AGPAT3: variants seen among roughly 807,000 people sequenced by gnomAD.
AGPAT3 encodes the protein 1-acylglycerol-3-phosphate O-acyltransferase 3, also known as 1-acyl-sn-glycerol-3-phosphate acyltransferase gamma.
AGPAT3 carries 5 observed loss-of-function variants against 47.3 expected under a neutral mutation model. The ratio of observed to expected loss-of-function variants is 0.11; its 90% CI spans 0.06 to 0.22. AGPAT3 has a LOEUF of 0.22. Ranked by LOEUF, AGPAT3 falls within the 10% of genes least tolerant of loss-of-function variation. The pLI is 1.00. For synonymous variants in AGPAT3, 212 were observed against 208.3 expected, an observed-to-expected ratio of 1.02 and a Z score of -0.15; for missense variants, 315 against 493.0, an observed-to-expected ratio of 0.64 and a Z score of 3.42.
intron 1 of AGPAT3, among the ~76,000 whole-genome samples, chr21:43,897,069 G>A (rs1279314112): frequency 1.3e-5 from 2 of 149,974 alleles, no homozygotes; most frequent in African/African-American, 2.5e-5. Context: ...CATGTGAACA[G>A]AGGTCTCTGG....
chr21:43,958,341 G>GGTGTGTGGTACAATTGTGT (rs1417060853), intron 2 of AGPAT3, among the ~76,000 whole-genome samples: 1 of 152,070 alleles, frequency 6.6e-6, no homozygotes, highest in Non-Finnish European at 1.5e-5. Context: ...TGCAGTGTGT[G>GGTGTGTGGTACAATTGTGT]GTGTGTGGTA....
At position 43,982,943 on chromosome 21, in the gene AGPAT3, G is replaced by C. The variant is rs1360051842; in HGVS notation, c.*551G>C. 6.5e-6 allele frequency: 1 copy of C among 153,076 alleles called. No individual in the cohort carries two copies. Among genetic ancestry groups the C allele is most frequent in the African/African-American group, 2.4e-5 (1 of 41,458 alleles). The allele number at this position is 153,076 out of a possible 1,614,324, so 9.5% of individuals were successfully genotyped here. The stretch of plus-strand genomic sequence containing the variant: ...GATAAGCACACCGGCACGAACGTCA[G>C]GTCCATTCCTCGAAGTCGGAGCCCT... On this transcript the variant is annotated 3_prime_UTR_variant, in exon 10 of 10. Transcript: ENST00000291572. The surrounding 1 kb of genome is among the most constrained non-coding windows in gnomAD (Gnocchi z 6.2).
At position 43,955,168 on chromosome 21, in the gene AGPAT3, C is replaced by A. The variant is rs1001612660; in HGVS notation, c.-48-4466C>A. ...ATGCGCCCTGGGTGCTGTCCCGGGGCCGTCTCAGAAGCACCGCGCTGGACC... is the reference window on the plus strand; with the variant it reads ...ATGCGCCCTGGGTGCTGTCCCGGGGACGTCTCAGAAGCACCGCGCTGGACC... On this transcript the variant is annotated intron_variant, in intron 2 of 9. Coordinates refer to ENST00000291572, the MANE Select transcript of AGPAT3 (RefSeq NM_020132.5). This position sits in a 1 kb window ranked among gnomAD's most constrained non-coding sequence, Gnocchi z 4.1. 1.9e-5 allele frequency: 24 copies of A among 1,274,584 alleles called. No individual in the cohort carries two copies. Among genetic ancestry groups the A allele is most frequent in the Non-Finnish European group, 2.4e-5 (24 of 979,822 alleles). 79.0% of individuals were successfully genotyped at this position (1,274,584 alleles called of 1,614,324 possible).
intron 1 of AGPAT3, among the ~76,000 whole-genome samples, chr21:43,885,936 T>A (rs1037227148): frequency 1.3e-5 from 2 of 152,086 alleles, no homozygotes; most frequent in Non-Finnish European, 2.9e-5. Context: ...GGCAAGGGGG[T>A]TCCTTGGCAG....
At chr21:43,915,144 C>T (rs1451911890) in intron 2 of AGPAT3, among the ~76,000 whole-genome samples, 1 of 151,950 alleles carries the variant, frequency 6.6e-6, no homozygotes, top group Non-Finnish European at 1.5e-5. Flanking sequence ...CTGCAACCTC[C>T]AAGTTCAAGT....
At chr21:43,937,206 G>A (rs1358778651) in intron 2 of AGPAT3, among the ~76,000 whole-genome samples, 1 of 152,224 alleles carries the variant, frequency 6.6e-6, no homozygotes, top group Non-Finnish European at 1.5e-5. Context: ...GTACCCATGA[G>A]TGACTTTTGG....
intron 1 of AGPAT3, among the ~76,000 whole-genome samples, chr21:43,893,511 C>G (rs929630257): frequency 6.6e-6 from 1 of 152,262 alleles, no homozygotes; most frequent in Admixed American, 6.5e-5. Context: ...TTGCATTCAT[C>G]ACTTGGCCAA....
At chr21:43,941,938 G>A (rs565865361) in intron 2 of AGPAT3, among the ~76,000 whole-genome samples, 17 of 152,398 alleles carry the variant, frequency 1.1e-4, no homozygotes, top group South Asian at 8.3e-4. Flanking sequence ...GCAGCTGCTC[G>A]TAATTGGCTT....
intron 2 of AGPAT3, among the ~76,000 whole-genome samples, chr21:43,959,232 GGT>G (rs1433714842): frequency 3.1e-5 from 4 of 127,522 alleles, no homozygotes; most frequent in Non-Finnish European, 6.3e-5. Flanking sequence ...TTTGTGATGT[GGT>G]GTGTGTGTGG....
chr21:43,895,790 A>G (rs1447200085), intron 1 of AGPAT3, among the ~76,000 whole-genome samples: 3 of 151,264 alleles, frequency 2.0e-5, no homozygotes, highest in Non-Finnish European at 4.4e-5. Context: ...TTTTTGAGAC[A>G]GAGTCTCGCT....
chr21:43,877,941 C>T (rs373248549), intron 1 of AGPAT3, among the ~76,000 whole-genome samples: 8 of 152,168 alleles, frequency 5.3e-5, no homozygotes, highest in Non-Finnish European at 1.2e-4. Flanking sequence ...TTGACCCTCA[C>T]GATTCCCCTT....
intron 2 of AGPAT3, among the ~76,000 whole-genome samples, chr21:43,923,260 T>C (rs896511753): frequency 6.6e-6 from 1 of 152,004 alleles, no homozygotes; most frequent in Non-Finnish European, 1.5e-5. Context: ...GGGCACTCCA[T>C]GTACCTCCAG....
chr21:43,964,355 A>G (rs1009758253), intron 3 of AGPAT3, among the ~76,000 whole-genome samples: 1 of 151,934 alleles, frequency 6.6e-6, no homozygotes, highest in Non-Finnish European at 1.5e-5. Flanking sequence ...ACGCTCAGCT[A>G]ATTTTTTGTT....
intron 8 of AGPAT3, among the ~76,000 whole-genome samples, chr21:43,979,130 C>A (rs1048906752): frequency 6.6e-6 from 1 of 151,942 alleles, no homozygotes; most frequent in Non-Finnish European, 1.5e-5. Context: ...GAAACCCCGT[C>A]TCTACTAAAA....
chr21:43,904,594 T>C (rs1476696574), intron 2 of AGPAT3, among the ~76,000 whole-genome samples: 1 of 152,100 alleles, frequency 6.6e-6, no homozygotes, highest in Non-Finnish European at 1.5e-5. Flanking sequence ...CAGGAAGCCC[T>C]GGGTTTGGTG....
intron 2 of AGPAT3, among the ~76,000 whole-genome samples, chr21:43,913,824 A>G (rs1244284535): frequency 6.6e-6 from 1 of 152,246 alleles, no homozygotes. Flanking sequence ...CCAAAATGCC[A>G]GGAGTACCGA....
chr21:43,924,315 G>A (rs931984478), intron 2 of AGPAT3, among the ~76,000 whole-genome samples: 1 of 151,928 alleles, frequency 6.6e-6, no homozygotes, highest in Admixed American at 6.5e-5. Context: ...GTGAGCCATC[G>A]CGCCGAGCCA....
chr21:43,930,510 T>C lies in AGPAT3; in HGVS notation c.-49+26491T>C, dbSNP rs1022637294. Among the ~76,000 whole-genome samples the C allele has an allele frequency of 5.3e-5, 8 of 152,000 alleles. No individual in the cohort carries two copies. The highest frequency in any genetic ancestry group is 5.2e-4 in the Admixed American group (8 of 15,264). The stretch of plus-strand genomic sequence containing the variant: ...GTCTCAGCAACATCATCTTTCTTAC[T>C]GTCCCTGTTCTCTGGGCCTCTCTCA... On this transcript the variant is annotated intron_variant, in intron 2 of 9. Transcript: ENST00000291572. This position sits in a 1 kb window ranked among gnomAD's most constrained non-coding sequence, Gnocchi z 5.0.
At chr21:43,921,343 C>T (rs1028758529) in intron 2 of AGPAT3, among the ~76,000 whole-genome samples, 9 of 152,080 alleles carry the variant, frequency 5.9e-5, no homozygotes, top group African/African-American at 1.7e-4. Flanking sequence ...AACCAGTAGA[C>T]GGTGTTCCCA....
Sources: allele counts gnomAD v4.1 joint callset (sites outside exome capture counted in the v4.1 genomes callset), GRCh38; gene constraint gnomAD v4.1.1; non-coding constraint Gnocchi (gnomAD v3.1); transcripts MANE v1.5; gene names NCBI Gene and HGNC (gene_info 2026-07-23, HGNC 2026-07-21).